The following NELL2 variants were observed in gnomAD, a reference collection of about 807,000 sequenced individuals.
NELL2 encodes protein kinase C-binding protein NELL2.
NELL2 carries 41 observed loss-of-function variants against 109.6 expected under a neutral mutation model. The observed-to-expected ratio is 0.37, with a 90% CI of 0.29 to 0.49. The LOEUF is 0.49. NELL2 is among the 20% of genes least tolerant of loss of function. The pLI, the probability that NELL2 is intolerant of heterozygous loss-of-function variation, is 0.98. For synonymous variants in NELL2, 355 were observed against 344.7 expected, an observed-to-expected ratio of 1.03 and a Z score of -0.33; for missense variants, 900 against 1,008.3, an observed-to-expected ratio of 0.89 and a Z score of 1.45.
chr12:44,561,506 C>G (rs1046122011), intron 15 of NELL2, among the ~76,000 whole-genome samples: 1 of 152,038 alleles, frequency 6.6e-6, no homozygotes, highest in Admixed American at 6.6e-5. Flanking sequence ...ATCAATGTGC[C>G]AAAATCACAA....
intron 3 of NELL2, among the ~76,000 whole-genome samples, chr12:44,790,077 C>T (rs1230340381): frequency 6.6e-6 from 1 of 152,000 alleles, no homozygotes. Context: ...GGAAAACTTC[C>T]CTGGCCTTGC....
At chr12:44,608,334 C>A (rs1335365686) in intron 14 of NELL2, among the ~76,000 whole-genome samples, 2 of 151,928 alleles carry the variant, frequency 1.3e-5, no homozygotes. Flanking sequence ...CTCAAAGAGT[C>A]CATTTGGCTT....
intron 13 of NELL2, among the ~76,000 whole-genome samples, chr12:44,628,141 C>T (rs886207064): frequency 6.6e-6 from 1 of 152,166 alleles, no homozygotes; most frequent in African/African-American, 2.4e-5. Context: ...TTAAGTACAT[C>T]GTATCTTCAC....
chr12:44,799,360 AT>A (rs1942750268), intron 3 of NELL2, among the ~76,000 whole-genome samples: 3 of 152,062 alleles, frequency 2.0e-5, no homozygotes, highest in African/African-American at 4.8e-5. Flanking sequence ...GATCAGATTC[AT>A]TATACTCCAA....
At chr12:44,752,220 A>T (rs1246846032) in intron 9 of NELL2, among the ~76,000 whole-genome samples, 1 of 152,258 alleles carries the variant, frequency 6.6e-6, no homozygotes, top group Non-Finnish European at 1.5e-5. Flanking sequence ...TTAGAAAGCA[A>T]TACAGAGAAG....
chr12:44,778,213 C>T (rs1407059210), intron 5 of NELL2, among the ~76,000 whole-genome samples: 2 of 152,238 alleles, frequency 1.3e-5, no homozygotes, highest in South Asian at 2.1e-4. Flanking sequence ...TAATTTTAAA[C>T]GTACCTATAA....
At chr12:44,757,579 T>G (rs1592472004) in intron 9 of NELL2, among the ~76,000 whole-genome samples, 1 of 152,276 alleles carries the variant, frequency 6.6e-6, no homozygotes, top group East Asian at 1.9e-4. Context: ...AGATTTTCTT[T>G]TTAATGATGA....
At chr12:44,888,653 G>A (rs1048722720) in intron 1 of NELL2, among the ~76,000 whole-genome samples, 1 of 151,780 alleles carries the variant, frequency 6.6e-6, no homozygotes, top group South Asian at 2.1e-4. Flanking sequence ...ATAGTAAGCG[G>A]GATAAAATAA....
chr12:44,517,859 A>G (rs1941344968), intron 19 of NELL2, among the ~76,000 whole-genome samples: 1 of 152,144 alleles, frequency 6.6e-6, no homozygotes, highest in African/African-American at 2.4e-5. Flanking sequence ...TCAATTAGAA[A>G]CAAATAACTC....
Position 44,609,620 on chromosome 12 carries a change from C to A in NELL2, c.1567+1228G>T, listed in dbSNP as rs539323126. On this transcript the variant is annotated intron_variant, in intron 14 of 19. Coordinates refer to ENST00000429094, the MANE Select transcript of NELL2 (RefSeq NM_001145108.2). ...TCAGGATTTGTTTAGTTTTTCCAAGCAAATTTTTGTGGGATTTGAATCCCC... is the reference window on the plus strand; with the variant it reads ...TCAGGATTTGTTTAGTTTTTCCAAGAAAATTTTTGTGGGATTTGAATCCCC... Among the ~76,000 whole-genome samples the A allele has an allele frequency of 3.3e-5, 5 of 152,098 alleles. No homozygotes were observed. In the East Asian group the frequency reaches 9.7e-4, roughly 29 times the overall value.
intron 15 of NELL2, among the ~76,000 whole-genome samples, 157 bp downstream of exon 15, chr12:44,607,012 T>G (rs1339662335): frequency 6.6e-6 from 1 of 152,128 alleles, no homozygotes; most frequent in Non-Finnish European, 1.5e-5. Context: ...GCGAAATGCA[T>G]CACTGAAACT....
intron 15 of NELL2, among the ~76,000 whole-genome samples, chr12:44,558,931 A>G (rs1943362224): frequency 6.6e-6 from 1 of 152,150 alleles, no homozygotes; most frequent in Non-Finnish European, 1.5e-5. Context: ...CTATCTTGAA[A>G]TTCTTGCTGC....
At chr12:44,681,843 G>A (rs1341130555) in intron 12 of NELL2, among the ~76,000 whole-genome samples, 7 of 151,794 alleles carry the variant, frequency 4.6e-5, no homozygotes, top group Admixed American at 4.6e-4. Flanking sequence ...TTGGTTCCAA[G>A]TCTCTGCTAT....
At chr12:44,515,119 A>T (rs1044125280) in intron 19 of NELL2, among the ~76,000 whole-genome samples, 1 of 151,830 alleles carries the variant, frequency 6.6e-6, no homozygotes, top group Admixed American at 6.6e-5. Context: ...AAATGACAAA[A>T]TGGTAGTCCT....
intron 9 of NELL2, among the ~76,000 whole-genome samples, chr12:44,737,613 T>C (rs1422651156): frequency 6.6e-6 from 1 of 152,134 alleles, no homozygotes; most frequent in Non-Finnish European, 1.5e-5. Flanking sequence ...GCTCTCAGAG[T>C]ATTGTTACAT....
At chr12:44,625,542 G>A (rs1023106776) in intron 13 of NELL2, among the ~76,000 whole-genome samples, 2 of 151,970 alleles carry the variant, frequency 1.3e-5, no homozygotes, top group Non-Finnish European at 2.9e-5. Context: ...TGTCTGACCA[G>A]AATTTAGTAC....
chr12:44,577,606 T>G (rs1041278709), intron 15 of NELL2, among the ~76,000 whole-genome samples: 3 of 151,034 alleles, frequency 2.0e-5, no homozygotes, highest in African/African-American at 7.3e-5. Context: ...GCCTCCCGAG[T>G]AGCTGGGAAT....
At chr12:44,627,217 A>G (rs1342850197) in intron 13 of NELL2, among the ~76,000 whole-genome samples, 1 of 152,178 alleles carries the variant, frequency 6.6e-6, no homozygotes, top group African/African-American at 2.4e-5. Context: ...TTGAGGCAGT[A>G]TTTTGCTAAA....
intron 15 of NELL2, among the ~76,000 whole-genome samples, chr12:44,568,788 CACAT>C (rs1943756061): frequency 6.6e-6 from 1 of 151,836 alleles, no homozygotes; most frequent in Non-Finnish European, 1.5e-5. Context: ...TTTATATATA[CACAT>C]ACATATATAG....
Sources: gnomAD v4.1 joint callset for allele counts (sites outside exome capture counted in the v4.1 genomes callset) on GRCh38, gnomAD v4.1.1 for gene constraint, MANE v1.5 for transcripts, NCBI Gene and HGNC (gene_info 2026-07-23, HGNC 2026-07-21) for gene names.